The following PSD3 variants were observed in gnomAD, a reference collection of about 807,000 sequenced individuals.
PSD3 encodes the protein PH and SEC7 domain-containing protein 3.
Under a neutral mutation model 105.5 loss-of-function variants are expected in PSD3, and 49 were observed. That is an observed-to-expected ratio of 0.46 (90% CI 0.37 to 0.59). The LOEUF is 0.59. Ranked by LOEUF, PSD3 falls within the 20% of genes least tolerant of loss-of-function variation. PSD3 has a pLI of 0.00. For missense variants in PSD3, 1,561 were observed against 1,263.8 expected, an observed-to-expected ratio of 1.24 and a Z score of -3.57; for synonymous variants, 557 against 457.8, an observed-to-expected ratio of 1.22 and a Z score of -2.77.
chr8:18,934,031 G>A (rs2433599), intron 2 of PSD3, among the ~76,000 whole-genome samples: 2,315 of 152,240 alleles, frequency 0.015, 62 homozygotes, highest in African/African-American at 0.053. Flanking sequence ...CTGTATCTAA[G>A]AGTCCCCAAC....
At chr8:18,767,742 C>T (rs189982066) in intron 8 of PSD3, among the ~76,000 whole-genome samples, 4 of 151,360 alleles carry the variant, frequency 2.6e-5, no homozygotes, top group Admixed American at 2.0e-4. Context: ...AGCAAGACTC[C>T]GTCTCAAAAC....
chr8:18,609,864 G>C (rs1480417689), intron 11 of PSD3, among the ~76,000 whole-genome samples: 1 of 152,222 alleles, frequency 6.6e-6, no homozygotes, highest in African/African-American at 2.4e-5. Flanking sequence ...TAATAGAGCA[G>C]CTCAGGCACT....
At chr8:18,752,494 TATATATA>T (rs1250894377) in intron 9 of PSD3, among the ~76,000 whole-genome samples, 42 of 16,824 alleles carry the variant, frequency 2.5e-3, no homozygotes, top group African/African-American at 4.9e-3. Context: ...ATATATATAA[TATATATA>T]ATATATATAA....
intron 1 of PSD3, chr8:19,084,119 C>A (rs937495198): frequency 2.7e-6 from 1 of 375,560 alleles, no homozygotes; most frequent in Non-Finnish European, 5.3e-6. Flanking sequence ...GAGGAGAGAA[C>A]CAACGCCAGA....
intron 1 of PSD3, among the ~76,000 whole-genome samples, chr8:19,072,509 A>T (rs10091474): frequency 0.048 from 7,248 of 152,290 alleles, 578 homozygotes; most frequent in African/African-American, 0.16. Flanking sequence ...ACACAGAATT[A>T]TGATTAGATG....
intron 2 of PSD3, among the ~76,000 whole-genome samples, chr8:18,913,081 AC>A (rs1820346978): frequency 4.1e-5 from 5 of 122,656 alleles, no homozygotes; most frequent in African/African-American, 1.3e-4. Flanking sequence ...ACACACACAC[AC>A]ACAAACACAC....
At chr8:18,898,455 T>C (rs532410217) in intron 2 of PSD3, among the ~76,000 whole-genome samples, 1 of 152,276 alleles carries the variant, frequency 6.6e-6, no homozygotes, top group East Asian at 1.9e-4. Flanking sequence ...GCATGGAATG[T>C]CTTTTTCCAT....
intron 1 of PSD3, among the ~76,000 whole-genome samples, chr8:18,981,345 C>G (rs1277659411): frequency 6.6e-6 from 1 of 152,176 alleles, no homozygotes; most frequent in Non-Finnish European, 1.5e-5. Flanking sequence ...AGAAAGACTA[C>G]TATGGTGATT....
At chr8:18,736,428 A>G (rs1056685117) in intron 9 of PSD3, among the ~76,000 whole-genome samples, 5 of 152,212 alleles carry the variant, frequency 3.3e-5, no homozygotes, top group African/African-American at 7.2e-5. Flanking sequence ...GAATTTTATC[A>G]TCAACTGTGT....
At chr8:18,776,717 T>A (rs1304960661) in intron 8 of PSD3, among the ~76,000 whole-genome samples, 1 of 152,186 alleles carries the variant, frequency 6.6e-6, no homozygotes, top group African/African-American at 2.4e-5. Context: ...GCAGTGAAAC[T>A]GTCAGATCAT....
intron 15 of PSD3, among the ~76,000 whole-genome samples, chr8:18,537,379 T>G (rs984230618): frequency 1.3e-5 from 2 of 152,230 alleles, no homozygotes; most frequent in Non-Finnish European, 2.9e-5. Flanking sequence ...TTACCTCCAT[T>G]GATATGAAAA....
chr8:18,875,679 G>A (rs1449405004), intron 2 of PSD3, among the ~76,000 whole-genome samples: 1 of 152,052 alleles, frequency 6.6e-6, no homozygotes, highest in Non-Finnish European at 1.5e-5. Context: ...TGGGATACAG[G>A]TGCCCATCAC....
At chr8:19,046,710 T>C (rs920332557) in intron 1 of PSD3, among the ~76,000 whole-genome samples, 2 of 152,232 alleles carry the variant, frequency 1.3e-5, no homozygotes, top group African/African-American at 4.8e-5. Flanking sequence ...AAGCTCCAGA[T>C]GCCAATCCTT....
chr8:18,695,860 A>G (rs1189399426), intron 9 of PSD3, among the ~76,000 whole-genome samples: 1 of 152,236 alleles, frequency 6.6e-6, no homozygotes, highest in African/African-American at 2.4e-5. Context: ...GTATGAAACA[A>G]GTCAAATGGA....
chr8:18,710,323 C>T (rs1420743751), intron 9 of PSD3, among the ~76,000 whole-genome samples: 1 of 152,046 alleles, frequency 6.6e-6, no homozygotes. Context: ...TGAACAAAAC[C>T]TTCGAAAACT....
intron 1 of PSD3, among the ~76,000 whole-genome samples, chr8:18,971,931 G>T (rs1007262986): frequency 2.6e-5 from 4 of 152,060 alleles, no homozygotes; most frequent in African/African-American, 9.7e-5. Flanking sequence ...CTTGAGCCTG[G>T]GAGGCAGAGG....
chr8:18,945,570 G>A (rs1336365191), intron 1 of PSD3, among the ~76,000 whole-genome samples: 1 of 152,228 alleles, frequency 6.6e-6, no homozygotes, highest in Non-Finnish European at 1.5e-5. Flanking sequence ...AAGCCACCAA[G>A]TTTGTGATAC....
At chr8:18,717,863 C>T (rs190568366) in intron 9 of PSD3, among the ~76,000 whole-genome samples, 2 of 152,228 alleles carry the variant, frequency 1.3e-5, no homozygotes, top group Admixed American at 1.3e-4. Context: ...CCCTTACGAA[C>T]ATTAAATTCT....
At chr8:19,011,092 A>G (rs561572020) in intron 1 of PSD3, among the ~76,000 whole-genome samples, 1 of 152,092 alleles carries the variant, frequency 6.6e-6, no homozygotes, top group Non-Finnish European at 1.5e-5. Flanking sequence ...ATTGGAAACG[A>G]TCACTATCCA....
Sources: gnomAD v4.1 joint callset for allele counts (sites outside exome capture counted in the v4.1 genomes callset) on GRCh38, gnomAD v4.1.1 for gene constraint, MANE v1.5 for transcripts, NCBI Gene and HGNC (gene_info 2026-07-23, HGNC 2026-07-21) for gene names.